FAM53A: variants seen among roughly 807,000 people sequenced by gnomAD.
FAM53A encodes the protein protein FAM53A.
FAM53A carries 28 observed loss-of-function variants against 26.6 expected under a neutral mutation model. The observed-to-expected ratio is 1.05, with a 90% CI of 0.78 to 1.45. The LOEUF (loss-of-function observed/expected upper bound fraction) is 1.45. Among genes scored for constraint, FAM53A ranks in the 40% most tolerant of loss-of-function variants. The probability of loss-of-function intolerance (pLI) is 0.00; values close to 1 mark genes in which losing one functional copy is unlikely to be tolerated. For synonymous variants in FAM53A, 290 were observed against 253.1 expected, an observed-to-expected ratio of 1.15 and a Z score of -1.38; for missense variants, 650 against 575.8, an observed-to-expected ratio of 1.13 and a Z score of -1.32.
At chr4:1,597,053 C>A in the FAM53A span, among the ~76,000 whole-genome samples, 1 of 152,170 alleles carries the variant, frequency 6.6e-6, no homozygotes, top group Non-Finnish European at 1.5e-5. Context: ...AGGGGACAGG[C>A]AGCTCCTCTG....
Sources: allele counts gnomAD v4.1 joint callset (sites outside exome capture counted in the v4.1 genomes callset), GRCh38; gene constraint gnomAD v4.1.1; transcripts MANE v1.5; gene names NCBI Gene and HGNC (gene_info 2026-07-23, HGNC 2026-07-21).